UNC5D: variants seen among roughly 807,000 people sequenced by gnomAD.
UNC5D encodes netrin receptor UNC5D.
A neutral mutation model predicts 105.4 loss-of-function variants in UNC5D; 39 were observed. The ratio of observed to expected loss-of-function variants is 0.37; its 90% CI spans 0.29 to 0.48. The LOEUF is 0.48. UNC5D is among the 20% of genes least tolerant of loss of function. UNC5D has a pLI of 0.98. For synonymous variants in UNC5D, 452 were observed against 450.4 expected, an observed-to-expected ratio of 1.00 and a Z score of -0.04; for missense variants, 991 against 1,202.4, an observed-to-expected ratio of 0.82 and a Z score of 2.60.
At chr8:35,765,803 A>G (rs1801739102) in intron 14 of UNC5D, among the ~76,000 whole-genome samples, 2 of 152,166 alleles carry the variant, frequency 1.3e-5, no homozygotes, top group Admixed American at 1.3e-4. Flanking sequence ...AAACTTCCAG[A>G]CTTGATATAT....
At chr8:35,328,524 CT>C (rs1408124504) in intron 1 of UNC5D, among the ~76,000 whole-genome samples, 1 of 152,166 alleles carries the variant, frequency 6.6e-6, no homozygotes, top group Non-Finnish European at 1.5e-5. Flanking sequence ...GGCTAAAACT[CT>C]TTTTGTCTTC....
chr8:35,522,655 T>C (rs997693645), intron 1 of UNC5D, among the ~76,000 whole-genome samples: 6 of 152,208 alleles, frequency 3.9e-5, no homozygotes, highest in African/African-American at 1.2e-4. Context: ...TAACCTCAAT[T>C]GTACTATTAA....
chr8:35,430,918 A>G (rs1423989671), intron 1 of UNC5D, among the ~76,000 whole-genome samples: 1 of 152,192 alleles, frequency 6.6e-6, no homozygotes, highest in African/African-American at 2.4e-5. Flanking sequence ...GCATGCATGC[A>G]CAAACACACT....
At chr8:35,785,632 A>T (rs1802709017) in intron 16 of UNC5D, among the ~76,000 whole-genome samples, 1 of 152,184 alleles carries the variant, frequency 6.6e-6, no homozygotes, top group Non-Finnish European at 1.5e-5. Context: ...AAGTGCTGGG[A>T]TTACAGGCAT....
At chr8:35,688,529 G>C (rs1563671184) in intron 7 of UNC5D, among the ~76,000 whole-genome samples, 3 of 152,288 alleles carry the variant, frequency 2.0e-5, no homozygotes, top group African/African-American at 4.8e-5. Flanking sequence ...TGATTACCCT[G>C]CATGCATCAG....
chr8:35,243,860 T>C (rs1802938117), intron 1 of UNC5D, among the ~76,000 whole-genome samples: 1 of 152,200 alleles, frequency 6.6e-6, no homozygotes, highest in African/African-American at 2.4e-5. Flanking sequence ...TTACTCGAAC[T>C]TTATTAAGGC....
chr8:35,735,025 G>A (rs370624531), intron 11 of UNC5D, among the ~76,000 whole-genome samples: 2 of 151,760 alleles, frequency 1.3e-5, no homozygotes, highest in South Asian at 2.1e-4. Flanking sequence ...TTATCCACCC[G>A]CCTCGGCCTC....
intron 1 of UNC5D, among the ~76,000 whole-genome samples, chr8:35,494,458 AT>A (rs1281675252): frequency 6.6e-6 from 1 of 152,150 alleles, no homozygotes; most frequent in Non-Finnish European, 1.5e-5. Flanking sequence ...CTGCTACAAT[AT>A]TTTTTGTTAC....
Sources: allele counts gnomAD v4.1 joint callset (sites outside exome capture counted in the v4.1 genomes callset), GRCh38; gene constraint gnomAD v4.1.1; transcripts MANE v1.5; gene names NCBI Gene and HGNC (gene_info 2026-07-23, HGNC 2026-07-21).